MRPS31: variants seen among roughly 807,000 people sequenced by gnomAD.
The protein encoded by MRPS31 is mitochondrial ribosomal protein S31, also known as small ribosomal subunit protein mS31.
Under a neutral mutation model 43.1 loss-of-function variants are expected in MRPS31, and 32 were observed. The observed-to-expected ratio is 0.74, with a 90% CI of 0.56 to 1.00. MRPS31 has a LOEUF of 1.00. Ranked by LOEUF, MRPS31 falls within the 50% of genes least tolerant of loss-of-function variation. The pLI is 0.00. For missense variants in MRPS31, 437 were observed against 466.7 expected, an observed-to-expected ratio of 0.94 and a Z score of 0.59; for synonymous variants, 165 against 161.6, an observed-to-expected ratio of 1.02 and a Z score of -0.16.
At chr13:40,741,446 C>G (rs9549279) in intron 6 of MRPS31, among the ~76,000 whole-genome samples, 65,935 of 151,952 alleles carry the variant, frequency 0.43, 16,378 homozygotes, top group East Asian at 0.78. Flanking sequence ...ATGTAAAAAC[C>G]TAAGTCACAG....
At chr13:40,741,794 T>C (rs971917225) in intron 6 of MRPS31, among the ~76,000 whole-genome samples, 3 of 152,050 alleles carry the variant, frequency 2.0e-5, no homozygotes, top group African/African-American at 7.3e-5. Flanking sequence ...TCTGCATTCA[T>C]AACAATGGGA....
At chr13:40,740,486 C>T (rs1456777350) in intron 6 of MRPS31, among the ~76,000 whole-genome samples, 4,928 of 132,970 alleles carry the variant, frequency 0.037, 127 homozygotes, top group Middle Eastern at 0.069. Context: ...CAAATGCACA[C>T]GTATGTTTAT....
chr13:40,756,891 G>A lies in MRPS31; in HGVS notation c.722C>T (p.Thr241Met), dbSNP rs1854421. The change falls in exon 4 of 7, where the codon ACG (threonine) becomes ATG (methionine). Residue 241 changes from threonine to methionine, a missense_variant. Thr to Met is a moderately conservative substitution (Grantham distance 81). Coordinates refer to ENST00000323563, the MANE Select transcript of MRPS31 (RefSeq NM_005830.4). ...GYDNYPGQEK[T>M]DDLKKRKNIF... ...CTGATACCTTTTTTTAAGATCATCCGTCTTCTCCTGGCCAGGATAATTGTC... is the reference window on the plus strand; with the variant it reads ...CTGATACCTTTTTTTAAGATCATCCATCTTCTCCTGGCCAGGATAATTGTC... 8.1e-3 allele frequency: 13,139 copies of A among 1,612,940 alleles called. 86 individuals are homozygous for A. The highest frequency in any genetic ancestry group is 0.019 in the Middle Eastern group (117 of 6,058).
At chr13:40,759,151 A>G (rs1412108630) in intron 2 of MRPS31, 45 bp from the exon 3 acceptor site, 8 of 1,486,536 alleles carry the variant, frequency 5.4e-6, no homozygotes, top group Middle Eastern at 2.3e-4. Flanking sequence ...AAAAAAAGAG[A>G]GATTGGCCAG....
chr13:40,762,824 G>A (rs1368815103), intron 2 of MRPS31, among the ~76,000 whole-genome samples: 1 of 131,438 alleles, frequency 7.6e-6, no homozygotes, highest in Non-Finnish European at 1.6e-5. Flanking sequence ...GTGTGTGTGT[G>A]TGTGTGTGTG....
chr13:40,756,787 T>C (rs1277933010), intron 4 of MRPS31, 86 bp downstream of exon 4: 1 of 1,391,670 alleles, frequency 7.2e-7, no homozygotes, highest in Non-Finnish European at 1.0e-6. Flanking sequence ...ACAGCAATAA[T>C]ACACACACAC....
At chr13:40,750,366 C>T (rs1880350796) in intron 5 of MRPS31, among the ~76,000 whole-genome samples, 1 of 152,050 alleles carries the variant, frequency 6.6e-6, no homozygotes, top group Admixed American at 6.6e-5. Flanking sequence ...TGCCTACATA[C>T]TGTGTGTGGG....
chr13:40,762,140 G>A (rs899505792), intron 2 of MRPS31, among the ~76,000 whole-genome samples: 3 of 152,142 alleles, frequency 2.0e-5, no homozygotes, highest in Middle Eastern at 3.4e-3. Flanking sequence ...TAGCTACTCG[G>A]GAGGCTGCGG....
rs543271958 is a variant in MRPS31 at position 40,745,131 on chromosome 13, A to C, written c.958+4007T>G. ...GAGTTGGGGTTTCATCATGTTGACCAGTCTGGTCTCAAACTCCTAACCTCA... is the reference window on the plus strand; with the variant it reads ...GAGTTGGGGTTTCATCATGTTGACCCGTCTGGTCTCAAACTCCTAACCTCA... On this transcript the variant is annotated intron_variant, in intron 6 of 6. Transcript: ENST00000323563. 4.6e-5 allele frequency among the ~76,000 whole-genome samples: 7 copies of C among 150,668 alleles called. No individual in the cohort carries two copies. The East Asian group carries it at 1.2e-3, about 25-fold the overall frequency.
intron 6 of MRPS31, among the ~76,000 whole-genome samples, chr13:40,731,490 G>C (rs1879697697): frequency 1.3e-5 from 2 of 151,488 alleles, no homozygotes; most frequent in Non-Finnish European, 2.9e-5. Context: ...GCTGAGGCAG[G>C]AGAACTGCTT....
chr13:40,770,881 C>T (rs1175365159), intron 1 of MRPS31, 104 bp downstream of exon 1: 3 of 1,430,472 alleles, frequency 2.1e-6, no homozygotes, highest in African/African-American at 2.8e-5. Flanking sequence ...TTTCTCTTTC[C>T]TCAGATTTAA....
chr13:40,756,387 T>G (rs1185816856), intron 4 of MRPS31, among the ~76,000 whole-genome samples: 2 of 152,230 alleles, frequency 1.3e-5, no homozygotes, highest in Non-Finnish European at 2.9e-5. Context: ...CCACAAATAA[T>G]CTACCATTTT....
intron 5 of MRPS31, among the ~76,000 whole-genome samples, chr13:40,751,416 C>T (rs1880387609): frequency 6.6e-6 from 1 of 152,072 alleles, no homozygotes; most frequent in Non-Finnish European, 1.5e-5. Flanking sequence ...ATGTAGTAGC[C>T]CTCATTTTAT....
intron 6 of MRPS31, among the ~76,000 whole-genome samples, chr13:40,738,128 T>C (rs1879976074): frequency 6.6e-6 from 1 of 151,968 alleles, no homozygotes; most frequent in Non-Finnish European, 1.5e-5. Flanking sequence ...CCCACAGAAA[T>C]ACAAACTACC....
rs779168087 is a variant in MRPS31, at chr13:40,766,783, T to G, written c.403A>C (p.Arg135=). The G allele has an allele frequency of 3.6e-5, 58 of 1,612,846 alleles. No individual in the cohort carries two copies. The highest frequency in any genetic ancestry group is 4.7e-5 in the Non-Finnish European group (56 of 1,179,732). The change falls in exon 2 of 7, where the codon AGG becomes CGG. Residue 135 remains arginine (R), a synonymous_variant. Transcript: ENST00000323563. ...PLKSLEATLG[R]LRRATEYAPK... is the part of the protein sequence containing the mutation. ...GCATATTCTGTAGCTCTTCGAAGCCTGCCAAGTGTAGCTTCCAAACTTTTA... is the reference window on the plus strand; with the variant it reads ...GCATATTCTGTAGCTCTTCGAAGCCGGCCAAGTGTAGCTTCCAAACTTTTA...
intron 6 of MRPS31, among the ~76,000 whole-genome samples, chr13:40,747,750 T>A (rs749169988): frequency 4.6e-5 from 7 of 151,750 alleles, no homozygotes; most frequent in African/African-American, 1.7e-4. Context: ...GGCTGAGGCA[T>A]GAGAATTGCT....
chr13:40,753,911 C>A (rs1228639629), intron 5 of MRPS31, 108 bp downstream of exon 5: 1 of 724,668 alleles, frequency 1.4e-6, no homozygotes, highest in Non-Finnish European at 2.3e-6. Flanking sequence ...AGGATCCAGG[C>A]CAATGACAGA....
intron 5 of MRPS31, among the ~76,000 whole-genome samples, chr13:40,751,505 AT>A (rs1258610723): frequency 2.0e-5 from 3 of 152,188 alleles, no homozygotes; most frequent in South Asian, 2.1e-4. Context: ...CTGTTAAGCT[AT>A]ACTGCCTGTC....
At chr13:40,747,696 T>C (rs1330380031) in intron 6 of MRPS31, among the ~76,000 whole-genome samples, 1 of 151,960 alleles carries the variant, frequency 6.6e-6, no homozygotes, top group Non-Finnish European at 1.5e-5. Flanking sequence ...TGGCCAACAC[T>C]GCAAAACCCC....
Sources: gnomAD v4.1 joint callset for allele counts (sites outside exome capture counted in the v4.1 genomes callset) on GRCh38, gnomAD v4.1.1 for gene constraint, MANE v1.5 for transcripts, NCBI Gene and HGNC (gene_info 2026-07-23, HGNC 2026-07-21) for gene names.